SMARCAD1: variants seen among roughly 807,000 people sequenced by gnomAD.
SMARCAD1 encodes SNF2 related chromatin remodeling ATPase with DExD box 1, also known as SWI/SNF-related matrix-associated actin-dependent regulator of chromatin subfamily A containing DEAD/H box 1.
A neutral mutation model predicts 127.1 loss-of-function variants in SMARCAD1; 25 were observed. That is an observed-to-expected ratio of 0.20 (90% CI 0.14 to 0.27). SMARCAD1 has a LOEUF of 0.27. Among genes scored for constraint, SMARCAD1 ranks in the 10% least tolerant of loss-of-function variants. The pLI is 1.00. For missense variants in SMARCAD1, 807 were observed against 1,206.0 expected (o/e 0.67, Z 4.90); for synonymous variants, 400 against 396.9 (o/e 1.01, Z -0.09).
At chr4:94,242,368 C>G (rs1747726484) in intron 6 of SMARCAD1, among the ~76,000 whole-genome samples, 1 of 152,022 alleles carries the variant, frequency 6.6e-6, no homozygotes, top group South Asian at 2.1e-4. Context: ...AACTTATATT[C>G]TGAGATGTTC....
At chr4:94,250,978 A>G in intron 8 of SMARCAD1, 145 bp downstream of exon 8, 2 of 611,784 alleles carry the variant, frequency 3.3e-6, no homozygotes, top group Non-Finnish European at 5.7e-6. Flanking sequence ...ATGTAAAAAC[A>G]TTCTTTAACA....
chr4:94,289,947 C>T lies in SMARCAD1; in HGVS notation c.*413C>T, dbSNP rs1289337375. ...GTGCCTTATTTGACAATGCTTATGT[C>T]TTGTTTTTGCTTGTCTCATTTGAAG... is the stretch of plus-strand genomic sequence containing the variant. On this transcript the variant is annotated 3_prime_UTR_variant, in exon 24 of 24. Transcript: ENST00000354268. 2.2e-6 allele frequency: 1 copy of T among 454,254 alleles called. No homozygotes were observed. 28.1% of individuals were successfully genotyped at this position (454,254 alleles called of 1,614,324 possible). A position where few individuals can be genotyped will look rare whatever the true frequency, so the allele number is the denominator to read the frequency against.
At chr4:94,258,317 G>A (rs1384900108) in intron 9 of SMARCAD1, among the ~76,000 whole-genome samples, 1 of 151,788 alleles carries the variant, frequency 6.6e-6, no homozygotes, top group Non-Finnish European at 1.5e-5. Context: ...ACCACACCCG[G>A]TTAATTTTTG....
intron 6 of SMARCAD1, among the ~76,000 whole-genome samples, chr4:94,248,979 C>G (rs1748869663): frequency 6.6e-6 from 1 of 152,198 alleles, no homozygotes; most frequent in South Asian, 2.1e-4. Flanking sequence ...TAAAATTTTT[C>G]CTATGCATGA....
chr4:94,208,265 G>A (rs773889263), intron 1 of SMARCAD1, 81 bp from the exon 2 acceptor site: 2 of 999,776 alleles, frequency 2.0e-6, no homozygotes, highest in East Asian at 2.4e-5. Context: ...GCCCTTTATT[G>A]CCTTGGGAAT....
chr4:94,208,363 C>T lies in SMARCAD1; in HGVS notation c.-32C>T, dbSNP rs1166765692. 7 of 1,610,252 alleles carry T rather than the reference C, an allele frequency of 4.3e-6. No homozygotes were observed. The highest frequency in any genetic ancestry group is 5.9e-6 in the Non-Finnish European group (7 of 1,177,098). The stretch of plus-strand genomic sequence containing the variant: ...CCCTGCAGATAGTTCATTTAAAGCC[C>T]CCATCCCTGCAAGGTGGTGCTTTCT... On this transcript the variant is annotated 5_prime_UTR_variant, in exon 2 of 24. Transcript: ENST00000354268.
chr4:94,221,485 C>T (rs1012523078), intron 2 of SMARCAD1, among the ~76,000 whole-genome samples: 2 of 152,070 alleles, frequency 1.3e-5, no homozygotes, highest in Non-Finnish European at 2.9e-5. Context: ...ATGAAAGTAC[C>T]CCTCCTTTCT....
chr4:94,208,631 A>G (rs1741654240), intron 2 of SMARCAD1, 47 bp downstream of exon 2: 1 of 1,539,240 alleles, frequency 6.5e-7, no homozygotes, highest in African/African-American at 1.4e-5. Context: ...ACAGTTTTTA[A>G]AAGATGAAAG....
intron 7 of SMARCAD1, 28 bp from the exon 8 acceptor site, chr4:94,250,724 A>G (rs772366080): frequency 6.6e-7 from 1 of 1,516,570 alleles, no homozygotes; most frequent in Non-Finnish European, 9.0e-7. Flanking sequence ...TGAGATTTTT[A>G]ACAAAAAGAT....
chr4:94,253,375 C>A, intron 9 of SMARCAD1: 1 of 1,280,120 alleles, frequency 7.8e-7, no homozygotes. Context: ...ATGCAGAAAG[C>A]AAGAATGTGG....
rs768936077 is a variant in SMARCAD1, at chr4:94,233,936, C to T, written c.369-18C>T. 31 of 1,612,452 alleles carry T rather than the reference C, an allele frequency of 1.9e-5. No homozygotes were observed. The highest frequency in any genetic ancestry group is 1.2e-4 in the Admixed American group (7 of 59,922). ...AATACATTAAAAATGTTTTTTGCTCCTCTAAAAATATTTTTAGTTCTGAGC... is the reference window on the plus strand; with the variant it reads ...AATACATTAAAAATGTTTTTTGCTCTTCTAAAAATATTTTTAGTTCTGAGC... On this transcript the variant is annotated intron_variant, in intron 3 of 23. Coordinates refer to ENST00000354268, the MANE Select transcript of SMARCAD1 (RefSeq NM_020159.5).
intron 21 of SMARCAD1, 83 bp from the exon 22 acceptor site, chr4:94,283,038 T>G: frequency 8.2e-7 from 1 of 1,213,732 alleles, no homozygotes; most frequent in East Asian, 2.5e-5. Context: ...AGGTTTCTTT[T>G]TCATGTGATA....
At chr4:94,284,902 C>G (rs921479361) in intron 22 of SMARCAD1, 58 bp from the exon 23 acceptor site, 48 of 1,006,560 alleles carry the variant, frequency 4.8e-5, no homozygotes, top group Non-Finnish European at 7.1e-5. Flanking sequence ...ATATAGTTTA[C>G]ATATATCCAA....
chr4:94,220,852 T>G (rs763240575), intron 2 of SMARCAD1, among the ~76,000 whole-genome samples: 4 of 152,232 alleles, frequency 2.6e-5, no homozygotes, highest in Non-Finnish European at 4.4e-5. Context: ...TTATTAAATC[T>G]CAACTTAGGA....
chr4:94,254,291 TCTTTTCTTC>T (rs1560542701), intron 9 of SMARCAD1, among the ~76,000 whole-genome samples: 4 of 152,174 alleles, frequency 2.6e-5, no homozygotes. Flanking sequence ...TTCTTGTTCT[TCTTTTCTTC>T]CTTTTCTTCT....
chr4:94,284,876 C>T, intron 22 of SMARCAD1, 84 bp from the exon 23 acceptor site: 1 of 858,382 alleles, frequency 1.2e-6, no homozygotes, highest in African/African-American at 1.7e-5. Context: ...TCAAAGTATT[C>T]TTTTTGAACT....
At chr4:94,228,707 A>G (rs1190973508) in intron 3 of SMARCAD1, among the ~76,000 whole-genome samples, 1 of 150,734 alleles carries the variant, frequency 6.6e-6, no homozygotes, top group Non-Finnish European at 1.5e-5. Context: ...CTAGTTCCTT[A>G]TGTTGTCATG....
Position 94,289,446 on chromosome 4 carries a change from C to T in SMARCAD1, c.3020-27C>T, listed in dbSNP as rs1010837902. Reference sequence around the variant, plus strand: ...TTTTAAGTAAAATATTTTTATAAAGCTTTTAATGCTACTTTCTGACCTACA... The same window carrying T: ...TTTTAAGTAAAATATTTTTATAAAGTTTTTAATGCTACTTTCTGACCTACA... On this transcript the variant is annotated intron_variant, in intron 23 of 23. Transcript: ENST00000354268. The T allele has an allele frequency of 7.6e-6, 12 of 1,587,974 alleles. No individual in the cohort carries two copies. The African/African-American group carries it at 1.5e-4, about 20-fold the overall frequency.
intron 8 of SMARCAD1, among the ~76,000 whole-genome samples, chr4:94,252,092 T>G (rs909148945): frequency 2.6e-5 from 4 of 152,146 alleles, no homozygotes; most frequent in Non-Finnish European, 4.4e-5. Context: ...CCTTGTGATC[T>G]GCCCGCGTCG....
Sources: gnomAD v4.1 joint callset for allele counts (sites outside exome capture counted in the v4.1 genomes callset) on GRCh38, gnomAD v4.1.1 for gene constraint, MANE v1.5 for transcripts, NCBI Gene and HGNC (gene_info 2026-07-23, HGNC 2026-07-21) for gene names.